ASPRV1: variants seen among roughly 807,000 people sequenced by gnomAD.
The protein encoded by ASPRV1 is retroviral-like aspartic protease 1.
Under a neutral mutation model 11.0 loss-of-function variants are expected in ASPRV1, and 7 were observed. The observed-to-expected ratio is 0.64, with a 90% CI of 0.36 to 1.20. The LOEUF is 1.20. Ranked by LOEUF, ASPRV1 falls within the 50% of genes most tolerant of loss-of-function variation. The pLI is 0.02. For synonymous variants in ASPRV1, 136 were observed against 138.4 expected (o/e 0.98, Z 0.12); for missense variants, 299 against 320.0 (o/e 0.93, Z 0.50).
chr2:69,975,788 T>G, the ASPRV1 span: 4 of 152,332 alleles, frequency 2.6e-5, no homozygotes, highest in Non-Finnish European at 4.4e-5. Context: ...GTTTAATATC[T>G]CCTACTCTTT....
chr2:70,009,759 G>T, the ASPRV1 span, among the ~76,000 whole-genome samples: 7 of 152,220 alleles, frequency 4.6e-5, no homozygotes, highest in Admixed American at 4.6e-4. Flanking sequence ...GGGTAGAAAG[G>T]TTCTGAAGGA....
chr2:70,080,547 G>T, the ASPRV1 span, among the ~76,000 whole-genome samples: 1 of 152,002 alleles, frequency 6.6e-6, no homozygotes, highest in Non-Finnish European at 1.5e-5. Context: ...TTTTTTATAG[G>T]ACAGAGAGTT....
the ASPRV1 span, among the ~76,000 whole-genome samples, chr2:70,041,105 T>C: frequency 6.6e-6 from 1 of 152,234 alleles, no homozygotes; most frequent in Admixed American, 6.5e-5. Flanking sequence ...CCTAAGGACA[T>C]GGTCCATCCA....
the ASPRV1 span, among the ~76,000 whole-genome samples, chr2:70,034,133 C>T: frequency 4.1e-5 from 5 of 121,212 alleles, no homozygotes; most frequent in East Asian, 2.5e-4. Flanking sequence ...CCAGCCTGAG[C>T]GACAGCGAGA....
At chr2:70,049,450 G>A in the ASPRV1 span, 1 of 152,046 alleles carries the variant, frequency 6.6e-6, no homozygotes, top group Non-Finnish European at 1.5e-5. Flanking sequence ...TCCATTTTGA[G>A]TCAGAGGCAA....
At chr2:69,996,722 AGCCACCAT>A in the ASPRV1 span, 1 of 456,648 alleles carries the variant, frequency 2.2e-6, no homozygotes, top group African/African-American at 2.0e-5. Flanking sequence ...GTCCAAAGAA[AGCCACCAT>A]CTACGGAAAC....
At chr2:70,042,428 G>C in the ASPRV1 span, among the ~76,000 whole-genome samples, 1 of 152,188 alleles carries the variant, frequency 6.6e-6, no homozygotes, top group Non-Finnish European at 1.5e-5. Context: ...CCTGGCCAGG[G>C]AAAGTGTGGA....
chr2:69,995,545 C>G, the ASPRV1 span, among the ~76,000 whole-genome samples: 13 of 152,272 alleles, frequency 8.5e-5, no homozygotes, highest in Admixed American at 3.9e-4. Context: ...GTTGATCTTC[C>G]TAAGACCCAT....
the ASPRV1 span, chr2:69,936,927 G>T: frequency 1.9e-6 from 1 of 518,154 alleles, no homozygotes. Flanking sequence ...AGATCAGGTT[G>T]GGGACTGCTG....
the ASPRV1 span, among the ~76,000 whole-genome samples, chr2:69,977,327 C>T: frequency 6.6e-6 from 1 of 152,218 alleles, no homozygotes; most frequent in Non-Finnish European, 1.5e-5. Context: ...CATAAAGGCA[C>T]TGACAGCCAC....
At chr2:70,021,194 T>C in the ASPRV1 span, among the ~76,000 whole-genome samples, 1 of 152,180 alleles carries the variant, frequency 6.6e-6, no homozygotes, top group Non-Finnish European at 1.5e-5. Context: ...TGGCACAGTA[T>C]TCTTTAGGTT....
the ASPRV1 span, chr2:69,937,226 G>A: frequency 6.2e-7 from 1 of 1,612,702 alleles, no homozygotes; most frequent in Non-Finnish European, 8.5e-7. Flanking sequence ...CTACCCCTTT[G>A]ACTTGCAGAA....
the ASPRV1 span, among the ~76,000 whole-genome samples, chr2:70,003,965 A>G: frequency 6.6e-6 from 1 of 152,112 alleles, no homozygotes; most frequent in Non-Finnish European, 1.5e-5. Context: ...CCTAGCCTCT[A>G]GAACTGTAGG....
chr2:69,947,465 TCAC>T, the ASPRV1 span, among the ~76,000 whole-genome samples: 3 of 152,186 alleles, frequency 2.0e-5, no homozygotes, highest in Non-Finnish European at 4.4e-5. Flanking sequence ...AATTCACACT[TCAC>T]CTTTAGTAAT....
the ASPRV1 span, among the ~76,000 whole-genome samples, chr2:69,952,722 T>C: frequency 6.6e-6 from 1 of 152,148 alleles, no homozygotes; most frequent in South Asian, 2.1e-4. Context: ...CATTGCAGGA[T>C]GTTTTGCAGC....
the ASPRV1 span, chr2:69,975,942 A>T: frequency 6.6e-6 from 1 of 152,546 alleles, no homozygotes; most frequent in Admixed American, 6.5e-5. Flanking sequence ...TCCTTGCTCA[A>T]AAGTCATGGG....
At chr2:69,967,261 G>C in the ASPRV1 span, among the ~76,000 whole-genome samples, 3 of 152,198 alleles carry the variant, frequency 2.0e-5, no homozygotes, top group Non-Finnish European at 4.4e-5. Context: ...TAGCTACTCA[G>C]GGATGAGCAT....
the ASPRV1 span, among the ~76,000 whole-genome samples, chr2:70,057,473 T>C: frequency 6.6e-6 from 1 of 151,976 alleles, no homozygotes; most frequent in South Asian, 2.1e-4. Context: ...CAACCAACCA[T>C]CCATTATGTA....
At chr2:70,057,568 TC>T in the ASPRV1 span, among the ~76,000 whole-genome samples, 1 of 151,640 alleles carries the variant, frequency 6.6e-6, no homozygotes, top group African/African-American at 2.4e-5. Flanking sequence ...AACCTCCGCC[TC>T]CCAGGTTCCA....
Sources: gnomAD v4.1 joint callset for allele counts (sites outside exome capture counted in the v4.1 genomes callset) on GRCh38, gnomAD v4.1.1 for gene constraint, MANE v1.5 for transcripts, NCBI Gene and HGNC (gene_info 2026-07-23, HGNC 2026-07-21) for gene names.